The following PEX5L variants were observed in gnomAD, a reference collection of about 807,000 sequenced individuals.
PEX5L encodes the protein PEX5-related protein.
A neutral mutation model predicts 84.0 loss-of-function variants in PEX5L; 30 were observed. That is an observed-to-expected ratio of 0.36 (90% confidence interval 0.27 to 0.48). PEX5L has a LOEUF of 0.48. PEX5L is among the 20% of genes least tolerant of loss of function. The probability of loss-of-function intolerance (pLI) is 0.99; values close to 1 mark genes in which losing one functional copy is unlikely to be tolerated. For missense variants in PEX5L, 533 were observed against 754.6 expected (o/e 0.71, Z 3.44); for synonymous variants, 270 against 283.1 (o/e 0.95, Z 0.46).
In PEX5L at chr3:179,799,992, T is replaced by TATC. The variant is rs1322555483; in HGVS notation, c.*1833_*1835dup. ...GGCCCAAGTCAACTTTGACAATGAC[T>TATC]ATCAAAACCTGGCACTCCTCACAGT... On this transcript the variant is annotated 3_prime_UTR_variant, in exon 15 of 15. Coordinates refer to ENST00000467460, the MANE Select transcript of PEX5L (RefSeq NM_016559.3). The TATC allele has an allele frequency of 6.6e-6, 1 of 152,236 alleles. No homozygotes were observed. Among genetic ancestry groups the TATC allele is most frequent in the African/African-American group, 2.4e-5 (1 of 41,450 alleles). The allele number at this position is 152,236 out of a possible 1,614,324, so 9.4% of individuals were successfully genotyped here. A position where few individuals can be genotyped will look rare whatever the true frequency, so the allele number is the denominator to read the frequency against.
intron 2 of PEX5L, among the ~76,000 whole-genome samples, chr3:179,967,681 G>C (rs544106933): frequency 3.0e-4 from 19 of 63,930 alleles, no homozygotes; most frequent in African/African-American, 1.2e-3. Flanking sequence ...CCAGTTTTTA[G>C]ATCCCTGGGT....
At chr3:179,874,734 T>TTG (rs1751673926) in intron 6 of PEX5L, among the ~76,000 whole-genome samples, 1 of 65,816 alleles carries the variant, frequency 1.5e-5, no homozygotes, top group Admixed American at 1.8e-4. Context: ...TGGTTTTTTT[T>TTG]TTTGTTTTTT....
At chr3:179,953,401 T>C (rs1428197818) in intron 2 of PEX5L, among the ~76,000 whole-genome samples, 1 of 151,982 alleles carries the variant, frequency 6.6e-6, no homozygotes, top group African/African-American at 2.4e-5. Flanking sequence ...TAAACAAATT[T>C]ACAAGAAAAA....
chr3:179,855,517 G>A (rs1170304573), intron 8 of PEX5L, among the ~76,000 whole-genome samples: 1 of 152,108 alleles, frequency 6.6e-6, no homozygotes, highest in Non-Finnish European at 1.5e-5. Context: ...ATACAAATAA[G>A]CCAACAGGAG....
chr3:179,975,702 C>A (rs1361817307), intron 1 of PEX5L, among the ~76,000 whole-genome samples: 1 of 152,180 alleles, frequency 6.6e-6, no homozygotes, highest in Non-Finnish European at 1.5e-5. Context: ...TGTCAGGATT[C>A]AGTTCCTATC....
intron 2 of PEX5L, among the ~76,000 whole-genome samples, chr3:179,970,334 TG>T (rs1232049253): frequency 6.6e-6 from 1 of 152,092 alleles, no homozygotes; most frequent in Non-Finnish European, 1.5e-5. Context: ...ATAGACTGCA[TG>T]CCCCAAGTAT....
chr3:180,018,581 T>C (rs1381008468), intron 1 of PEX5L, among the ~76,000 whole-genome samples: 1 of 152,220 alleles, frequency 6.6e-6, no homozygotes, highest in African/African-American at 2.4e-5. Context: ...GTGCAAGTCA[T>C]TTCCAAACCT....
At chr3:179,873,880 T>C (rs999284103) in intron 7 of PEX5L, among the ~76,000 whole-genome samples, 1 of 152,192 alleles carries the variant, frequency 6.6e-6, no homozygotes, top group Admixed American at 6.5e-5. Context: ...AATATATTTC[T>C]CAGCATGACA....
intron 2 of PEX5L, among the ~76,000 whole-genome samples, chr3:179,961,169 C>A (rs1781898558): frequency 6.7e-6 from 1 of 149,226 alleles, no homozygotes; most frequent in Non-Finnish European, 1.5e-5. Flanking sequence ...GAATAAATAA[C>A]AATTGTATTG....
At chr3:179,811,933 T>C (rs1724046348) in intron 10 of PEX5L, 62 bp from the exon 11 acceptor site, 1 of 1,360,858 alleles carries the variant, frequency 7.3e-7, no homozygotes, top group African/African-American at 1.4e-5. Flanking sequence ...GTGCTTCAGT[T>C]GGTTTGTTGA....
At chr3:179,947,336 A>T (rs1459554858) in intron 2 of PEX5L, among the ~76,000 whole-genome samples, 1 of 152,120 alleles carries the variant, frequency 6.6e-6, no homozygotes, top group African/African-American at 2.4e-5. Context: ...ATATTACACA[A>T]TAATTATCGT....
intron 9 of PEX5L, among the ~76,000 whole-genome samples, 173 bp downstream of exon 9, chr3:179,819,687 C>T (rs1232435071): frequency 1.3e-5 from 2 of 152,178 alleles, no homozygotes; most frequent in African/African-American, 4.8e-5. Context: ...TGCCTTCACA[C>T]GTTGGATAAT....
At position 179,941,661 on chromosome 3, in the gene PEX5L, G is replaced by C. The variant is rs7624839; in HGVS notation, c.93+29933C>G. On this transcript the variant is annotated intron_variant, in intron 2 of 14. Coordinates refer to ENST00000467460, the MANE Select transcript of PEX5L (RefSeq NM_016559.3). Reference sequence around the variant, plus strand: ...CAACATTGATTAACCTGGTAGAAAAGAGTGAGTAGAAAACTTTCCAACACA... The same window carrying C: ...CAACATTGATTAACCTGGTAGAAAACAGTGAGTAGAAAACTTTCCAACACA... Among the ~76,000 whole-genome samples the C allele has an allele frequency of 8.8e-3, 1,343 of 152,270 alleles. 20 individuals carry two copies. The highest frequency in any genetic ancestry group is 0.03 in the African/African-American group (1,256 of 41,536).
intron 2 of PEX5L, among the ~76,000 whole-genome samples, chr3:179,903,168 ATTTC>A (rs1761985904): frequency 6.6e-6 from 1 of 152,162 alleles, no homozygotes; most frequent in Admixed American, 6.5e-5. Context: ...TATTGAATAT[ATTTC>A]TTTATGTATA....
intron 10 of PEX5L, among the ~76,000 whole-genome samples, chr3:179,815,041 A>G (rs931684821): frequency 2.0e-5 from 3 of 151,826 alleles, no homozygotes; most frequent in Non-Finnish European, 2.9e-5. Context: ...TCCTGTGCAC[A>G]CTCTGACATT....
intron 8 of PEX5L, among the ~76,000 whole-genome samples, chr3:179,844,663 C>T (rs1035878249): frequency 6.6e-6 from 1 of 152,046 alleles, no homozygotes; most frequent in Non-Finnish European, 1.5e-5. Context: ...CCTGTCTCTA[C>T]TAAAAATACA....
intron 1 of PEX5L, among the ~76,000 whole-genome samples, chr3:179,974,534 T>A (rs984952248): frequency 2.6e-5 from 4 of 152,204 alleles, no homozygotes; most frequent in Non-Finnish European, 5.9e-5. Context: ...GACATAGTCT[T>A]TCTTTGCTGA....
chr3:180,000,181 C>A lies in PEX5L; in HGVS notation c.22-28516G>T, dbSNP rs574530434. On this transcript the variant is annotated intron_variant, in intron 1 of 14. Coordinates refer to ENST00000467460, the MANE Select transcript of PEX5L (RefSeq NM_016559.3). ...AGGAATGCTGCCACCAGGAGACACA[C>A]AATTTCATTAAACTGGAAGTTAGGA... is the stretch of plus-strand genomic sequence containing the variant. 9.2e-5 allele frequency among the ~76,000 whole-genome samples: 14 copies of A among 152,210 alleles called. No homozygotes were observed. The South Asian group carries it at 2.3e-3, about 25-fold the overall frequency.
chr3:179,846,990 G>GAT lies in PEX5L; in HGVS notation c.822+12070_822+12071dup, dbSNP rs1425512415. 3.3e-5 allele frequency among the ~76,000 whole-genome samples: 5 copies of GAT among 151,738 alleles called. No individual in the cohort carries two copies. In the East Asian group the frequency reaches 9.7e-4, roughly 29 times the overall value. On this transcript the variant is annotated intron_variant, in intron 8 of 14. Coordinates refer to ENST00000467460, the MANE Select transcript of PEX5L (RefSeq NM_016559.3). ...TCCTGATAATAAATCTAAATATGGA[G>GAT]ATATATATAGAGATCTACATATGAA...
Sources: gnomAD v4.1 joint callset for allele counts (sites outside exome capture counted in the v4.1 genomes callset) on GRCh38, gnomAD v4.1.1 for gene constraint, MANE v1.5 for transcripts, NCBI Gene and HGNC (gene_info 2026-07-23, HGNC 2026-07-21) for gene names.